The following ARHGAP10 variants were observed in gnomAD, a reference collection of about 807,000 sequenced individuals.
ARHGAP10 encodes the protein rho GTPase-activating protein 10.
In ARHGAP10, 87 loss-of-function variants were observed where a neutral mutation model predicts 108.6. That is an observed-to-expected ratio of 0.80 (90% CI 0.67 to 0.96). The LOEUF is 0.96. ARHGAP10 is among the 40% of genes least tolerant of loss of function. The probability of loss-of-function intolerance (pLI) is 0.00; values close to 1 mark genes in which losing one functional copy is unlikely to be tolerated. For missense variants in ARHGAP10, 939 were observed against 954.5 expected (o/e 0.98, Z 0.21); for synonymous variants, 347 against 341.1 (o/e 1.02, Z -0.19).
chr4:147,923,142 A>C (rs989466795), intron 13 of ARHGAP10, among the ~76,000 whole-genome samples: 3 of 152,250 alleles, frequency 2.0e-5, no homozygotes, highest in Non-Finnish European at 4.4e-5. Context: ...ACTTTCACAT[A>C]ACATGTAGGA....
chr4:147,882,614 G>T (rs1735373190), intron 10 of ARHGAP10, among the ~76,000 whole-genome samples: 1 of 152,186 alleles, frequency 6.6e-6, no homozygotes, highest in Admixed American at 6.5e-5. Context: ...TCATTTGTGT[G>T]TGGGGGGGTT....
At chr4:148,000,301 C>T (rs1049252871) in intron 18 of ARHGAP10, among the ~76,000 whole-genome samples, 3 of 152,102 alleles carry the variant, frequency 2.0e-5, no homozygotes, top group Admixed American at 2.0e-4. Flanking sequence ...GTATATGTGC[C>T]ACATTTTCTT....
intron 1 of ARHGAP10, among the ~76,000 whole-genome samples, chr4:147,740,343 G>A (rs1477687964): frequency 2.6e-5 from 4 of 152,164 alleles, no homozygotes; most frequent in Admixed American, 2.6e-4. Flanking sequence ...TGTCATTGAT[G>A]GAGCTGGAAT....
chr4:147,876,704 A>G (rs1735078809), intron 8 of ARHGAP10, among the ~76,000 whole-genome samples: 1 of 152,270 alleles, frequency 6.6e-6, no homozygotes, highest in African/African-American at 2.4e-5. Context: ...TTTAATTTTT[A>G]GATTCATCAC....
intron 20 of ARHGAP10, among the ~76,000 whole-genome samples, chr4:148,049,076 A>T (rs1472813280): frequency 6.6e-6 from 1 of 151,020 alleles, no homozygotes; most frequent in African/African-American, 2.4e-5. Context: ...AATGTTTCTT[A>T]TGTATCTTTT....
rs368685839 is a variant in ARHGAP10 at position 147,785,083 on chromosome 4, TA to T, written c.155-37627del. The stretch of plus-strand genomic sequence containing the variant: ...ATGAAATGTATGGACGACTATTTTC[TA>T]AAAAAAAAAAAAAAAAGAATAACAT... On this transcript the variant is annotated intron_variant, in intron 1 of 22. Transcript: ENST00000336498. Among the ~76,000 whole-genome samples the T allele has an allele frequency of 3.5e-4, 41 of 118,790 alleles. 1 individual carries two copies. The highest frequency in any genetic ancestry group is 9.5e-4 in the Admixed American group (9 of 9,432). 77.9% of individuals were successfully genotyped at this position (118,790 alleles called of 152,430 possible). A position where few individuals can be genotyped will look rare whatever the true frequency, so the allele number is the denominator to read the frequency against.
chr4:147,909,879 C>T (rs897103371), intron 12 of ARHGAP10, 102 bp downstream of exon 12: 2 of 1,156,988 alleles, frequency 1.7e-6, no homozygotes, highest in Non-Finnish European at 2.6e-6. Context: ...CTCTCTGCAC[C>T]CTCTATTAGA....
At chr4:147,785,568 G>A (rs1289466994) in intron 1 of ARHGAP10, among the ~76,000 whole-genome samples, 2 of 152,142 alleles carry the variant, frequency 1.3e-5, no homozygotes, top group Admixed American at 6.6e-5. Flanking sequence ...TAAATGACAT[G>A]TAGTTTATGC....
In ARHGAP10 at chr4:147,952,275, C is replaced by G. The variant is rs531294425; in HGVS notation, c.1392-3041C>G. ...GCTTTCATTTCTCTTGGATAAATCCCAGGAGTGGAATATTTAGATCATGTG... is the reference window on the plus strand; with the variant it reads ...GCTTTCATTTCTCTTGGATAAATCCGAGGAGTGGAATATTTAGATCATGTG... On this transcript the variant is annotated intron_variant, in intron 15 of 22. Transcript: ENST00000336498. Among the ~76,000 whole-genome samples the G allele has an allele frequency of 3.8e-4, 58 of 152,232 alleles. No homozygotes were observed. In the South Asian group the frequency reaches 0.012, roughly 32 times the overall value.
At chr4:147,862,288 C>T (rs780271705) in intron 5 of ARHGAP10, 10 of 152,688 alleles carry the variant, frequency 6.5e-5, no homozygotes, top group Non-Finnish European at 1.0e-4. Flanking sequence ...CATCAGGCGC[C>T]GGGAGCCGGG....
intron 18 of ARHGAP10, among the ~76,000 whole-genome samples, chr4:147,994,842 G>A (rs1403473334): frequency 2.0e-5 from 3 of 152,196 alleles, no homozygotes; most frequent in East Asian, 1.9e-4. Flanking sequence ...GGAAATGACC[G>A]CTAAGAGGAT....
chr4:147,787,868 C>A lies in ARHGAP10; in HGVS notation c.155-34859C>A, dbSNP rs533802532. Among the ~76,000 whole-genome samples the A allele has an allele frequency of 3.3e-5, 5 of 152,164 alleles. No homozygotes were observed. The South Asian group carries it at 6.2e-4, about 19-fold the overall frequency. On this transcript the variant is annotated intron_variant, in intron 1 of 22. Coordinates refer to ENST00000336498, the MANE Select transcript of ARHGAP10 (RefSeq NM_024605.4). ...GCGTGACTGGAGTTAATGTGAGGCACCCGACCTGTGAGGGTTAGAGGGTCT... is the reference window on the plus strand; with the variant it reads ...GCGTGACTGGAGTTAATGTGAGGCAACCGACCTGTGAGGGTTAGAGGGTCT...
intron 22 of ARHGAP10, among the ~76,000 whole-genome samples, chr4:148,068,550 TG>T (rs1436773367): frequency 3.7e-4 from 56 of 152,364 alleles, no homozygotes; most frequent in African/African-American, 1.2e-3. Flanking sequence ...TTCTGACTTA[TG>T]TGCTTCTGGT....
chr4:147,889,459 C>G (rs1056657584), intron 10 of ARHGAP10, among the ~76,000 whole-genome samples: 2 of 152,128 alleles, frequency 1.3e-5, no homozygotes, highest in Admixed American at 1.3e-4. Flanking sequence ...ACCGCCACGC[C>G]CGGCTAATTT....
rs1487642919 is a variant in ARHGAP10 at position 148,072,253 on chromosome 4, G to A, written c.*172G>A. Reference sequence around the variant, plus strand: ...GGGGGGTGGTGGGCAGGGATGGGACGCACCACACAGAACTGTGATTGTGGA... The same window carrying A: ...GGGGGGTGGTGGGCAGGGATGGGACACACCACACAGAACTGTGATTGTGGA... On this transcript the variant is annotated 3_prime_UTR_variant, in exon 23 of 23. Coordinates refer to ENST00000336498, the MANE Select transcript of ARHGAP10 (RefSeq NM_024605.4). The A allele has an allele frequency of 7.0e-6, 4 of 569,658 alleles. No individual in the cohort carries two copies. Among genetic ancestry groups the A allele is most frequent in the Non-Finnish European group, 9.2e-6 (3 of 324,634 alleles). 35.3% of individuals were successfully genotyped at this position (569,658 alleles called of 1,614,324 possible).
intron 1 of ARHGAP10, among the ~76,000 whole-genome samples, chr4:147,767,051 A>G (rs1374072227): frequency 3.3e-5 from 5 of 151,556 alleles, no homozygotes; most frequent in Non-Finnish European, 7.4e-5. Flanking sequence ...GGGTTTCTCC[A>G]TGTTGGCCAG....
intron 1 of ARHGAP10, among the ~76,000 whole-genome samples, chr4:147,751,883 GTTT>G (rs371998598): frequency 7.9e-6 from 1 of 126,302 alleles, no homozygotes; most frequent in African/African-American, 2.9e-5. Context: ...GAAGCCTTTA[GTTT>G]TTTTTTTTTT....
At chr4:147,915,941 A>G (rs1385950120) in intron 13 of ARHGAP10, among the ~76,000 whole-genome samples, 1 of 152,158 alleles carries the variant, frequency 6.6e-6, no homozygotes, top group Non-Finnish European at 1.5e-5. Context: ...CTGTCTGTAT[A>G]AAAATTTTTT....
At chr4:148,012,397 C>CATA (rs1206831083) in intron 18 of ARHGAP10, among the ~76,000 whole-genome samples, 2 of 152,126 alleles carry the variant, frequency 1.3e-5, no homozygotes, top group Non-Finnish European at 2.9e-5. Context: ...GCTTTGTCGT[C>CATA]ATATATAAGA....
Sources: gnomAD v4.1 joint callset for allele counts (sites outside exome capture counted in the v4.1 genomes callset) on GRCh38, gnomAD v4.1.1 for gene constraint, MANE v1.5 for transcripts, NCBI Gene and HGNC (gene_info 2026-07-23, HGNC 2026-07-21) for gene names.